SLC25A13: variants seen among roughly 807,000 people sequenced by gnomAD.
SLC25A13 encodes solute carrier family 25 member 13, also known as electrogenic aspartate/glutamate antiporter SLC25A13, mitochondrial.
SLC25A13 carries 70 observed loss-of-function variants against 85.5 expected under a neutral mutation model. The observed-to-expected ratio is 0.82, with a 90% confidence interval of 0.68 to 1.00. SLC25A13 has a LOEUF of 1.00. Ranked by LOEUF, SLC25A13 falls within the 50% of genes least tolerant of loss-of-function variation. The pLI is 0.00. For synonymous variants in SLC25A13, 259 were observed against 288.7 expected (o/e 0.90, Z 1.04); for missense variants, 765 against 819.8 (o/e 0.93, Z 0.82).
At chr7:96,135,930 A>C (rs553083360) in intron 14 of SLC25A13, among the ~76,000 whole-genome samples, 11 of 149,102 alleles carry the variant, frequency 7.4e-5, no homozygotes, top group African/African-American at 2.5e-4. Flanking sequence ...ATTGGTCCTG[A>C]ATTTCCTCAG....
chr7:96,167,076 T>C (rs1189580725), intron 13 of SLC25A13: 1 of 152,116 alleles, frequency 6.6e-6, no homozygotes, highest in Non-Finnish European at 1.5e-5. Flanking sequence ...CAGCATCGAG[T>C]TTTGTCTTAA....
At chr7:96,129,424 C>T (rs1280801334) in intron 15 of SLC25A13, among the ~76,000 whole-genome samples, 1 of 151,944 alleles carries the variant, frequency 6.6e-6, no homozygotes, top group Non-Finnish European at 1.5e-5. Context: ...AACAACCATG[C>T]TTTTTACCAA....
chr7:96,190,267 A>G (rs997047149), intron 7 of SLC25A13, among the ~76,000 whole-genome samples: 3 of 151,294 alleles, frequency 2.0e-5, no homozygotes, highest in African/African-American at 4.9e-5. Flanking sequence ...TTATATATAC[A>G]TTTTTAGTAG....
intron 15 of SLC25A13, among the ~76,000 whole-genome samples, chr7:96,130,725 C>T (rs1173017363): frequency 6.6e-6 from 1 of 152,166 alleles, no homozygotes; most frequent in Non-Finnish European, 1.5e-5. Context: ...TGATCTCTTG[C>T]TCTAGATACA....
chr7:96,129,282 G>A (rs1312636389), intron 15 of SLC25A13, among the ~76,000 whole-genome samples: 1 of 152,092 alleles, frequency 6.6e-6, no homozygotes, highest in Non-Finnish European at 1.5e-5. Context: ...GAGGGAATTT[G>A]GCATGCAGTA....
Position 96,184,285 on chromosome 7 carries a change from A to G in SLC25A13, c.1169T>C (p.Leu390Pro). 3.1e-6 allele frequency: 5 copies of G among 1,614,178 alleles called. No individual in the cohort carries two copies. The highest frequency in any genetic ancestry group is 2.2e-5 in the East Asian group (1 of 44,874). Residue 390 changes from leucine (L) to proline (P), a missense_variant, in exon 11 of 18, where the codon CTG (leucine) becomes CCG (proline). Leu to Pro is a moderately conservative substitution (Grantham distance 98). Coordinates refer to ENST00000265631, the MANE Select transcript of SLC25A13 (RefSeq NM_014251.3). Reference protein sequence around the residue: ...KVLRYEGFFGLYRGLLPQLLG... With the variant: ...KVLRYEGFFGPYRGLLPQLLG... ...GAGCATGTGGCACTAACCTCTATAC[A>G]GTCCAAAGAAGCCTTCATAGCGTAG...
At chr7:96,231,668 G>A (rs1168991092) in intron 4 of SLC25A13, among the ~76,000 whole-genome samples, 3 of 151,902 alleles carry the variant, frequency 2.0e-5, no homozygotes, top group Admixed American at 6.6e-5. Flanking sequence ...AGGTTGCACT[G>A]AGCCGAGATT....
chr7:96,296,267 T>A (rs1799341917), intron 2 of SLC25A13, among the ~76,000 whole-genome samples: 1 of 152,234 alleles, frequency 6.6e-6, no homozygotes, highest in East Asian at 1.9e-4. Flanking sequence ...CAATGAGCTT[T>A]AAACTTCCTA....
intron 2 of SLC25A13, among the ~76,000 whole-genome samples, chr7:96,288,932 T>C (rs1000093526): frequency 6.6e-6 from 1 of 152,032 alleles, no homozygotes; most frequent in Non-Finnish European, 1.5e-5. Context: ...CAGCACAGGG[T>C]TTGAGATCTG....
At chr7:96,289,267 C>T (rs1584572920) in intron 2 of SLC25A13, among the ~76,000 whole-genome samples, 1 of 152,150 alleles carries the variant, frequency 6.6e-6, no homozygotes, top group Non-Finnish European at 1.5e-5. Flanking sequence ...ACGTCACCAT[C>T]ATCAAAGACC....
intron 14 of SLC25A13, among the ~76,000 whole-genome samples, chr7:96,134,793 T>TATATATATATATATATATATATATATA: frequency 9.8e-6 from 1 of 102,244 alleles, no homozygotes; most frequent in Non-Finnish European, 1.9e-5. Context: ...ACAAACAATT[T>TATATATATATATATATATATATATATA]TATATATATA....
At chr7:96,200,409 C>G (rs556420384) in intron 5 of SLC25A13, among the ~76,000 whole-genome samples, 1 of 152,154 alleles carries the variant, frequency 6.6e-6, no homozygotes, top group Non-Finnish European at 1.5e-5. Context: ...ATAATCTATG[C>G]TAATTTGAAG....
At chr7:96,231,672 C>T (rs543111583) in intron 4 of SLC25A13, among the ~76,000 whole-genome samples, 3 of 151,268 alleles carry the variant, frequency 2.0e-5, no homozygotes, top group African/African-American at 4.9e-5. Context: ...TGCACTGAGC[C>T]GAGATTGTGC....
At chr7:96,190,098 T>A (rs1794786521) in intron 7 of SLC25A13, among the ~76,000 whole-genome samples, 2 of 151,000 alleles carry the variant, frequency 1.3e-5, no homozygotes, top group Non-Finnish European at 3.0e-5. Flanking sequence ...TTTTTTTTTT[T>A]TTTTGAGACA....
chr7:96,165,989 A>G (rs879192406), intron 13 of SLC25A13, among the ~76,000 whole-genome samples: 1 of 152,274 alleles, frequency 6.6e-6, no homozygotes, highest in Admixed American at 6.5e-5. Flanking sequence ...CATCATGCAT[A>G]TGGGAATCAC....
chr7:96,189,782 A>C, intron 7 of SLC25A13, 108 bp from the exon 8 acceptor site: 1 of 928,840 alleles, frequency 1.1e-6, no homozygotes, highest in Non-Finnish European at 1.8e-6. Context: ...CTTTATTATT[A>C]TCATCAGTTG....
intron 14 of SLC25A13, among the ~76,000 whole-genome samples, chr7:96,146,046 C>T (rs972137118): frequency 6.6e-6 from 1 of 151,880 alleles, no homozygotes; most frequent in Non-Finnish European, 1.5e-5. Context: ...TTTGGTAGAG[C>T]AGTATGAATA....
At chr7:96,306,591 G>A (rs1382944043) in intron 1 of SLC25A13, among the ~76,000 whole-genome samples, 4 of 151,828 alleles carry the variant, frequency 2.6e-5, no homozygotes, top group Non-Finnish European at 4.4e-5. Flanking sequence ...GGGCCTATGT[G>A]GCCAGACTTC....
chr7:96,160,067 T>C (rs981033047), intron 13 of SLC25A13, among the ~76,000 whole-genome samples: 1 of 152,250 alleles, frequency 6.6e-6, no homozygotes, highest in African/African-American at 2.4e-5. Flanking sequence ...TTTTGACTAC[T>C]ACTACCAGAA....
Sources: gnomAD v4.1 joint callset for allele counts (sites outside exome capture counted in the v4.1 genomes callset) on GRCh38, gnomAD v4.1.1 for gene constraint, MANE v1.5 for transcripts, NCBI Gene and HGNC (gene_info 2026-07-23, HGNC 2026-07-21) for gene names.